Variants in CNTNAP2 observed in about 807,000 individuals in gnomAD.
CNTNAP2 encodes the protein contactin-associated protein-like 2.
CNTNAP2 carries 98 observed loss-of-function variants against 155.2 expected under a neutral mutation model. The ratio of observed to expected loss-of-function variants is 0.63; its 90% CI spans 0.54 to 0.75. The LOEUF (loss-of-function observed/expected upper bound fraction) is 0.75. Ranked by LOEUF, CNTNAP2 falls within the 30% of genes least tolerant of loss-of-function variation. The probability of loss-of-function intolerance (pLI) is 0.00; values close to 1 mark genes in which losing one functional copy is unlikely to be tolerated. For synonymous variants in CNTNAP2, 651 were observed against 631.2 expected (o/e 1.03, Z -0.47); for missense variants, 1,727 against 1,688.1 (o/e 1.02, Z -0.40).
chr7:148,230,956 C>T (rs932300192), intron 20 of CNTNAP2, among the ~76,000 whole-genome samples: 14 of 152,148 alleles, frequency 9.2e-5, no homozygotes, highest in African/African-American at 3.1e-4. Flanking sequence ...GGAGACAGAT[C>T]GTTTTACATC....
rs34993596 is a variant in CNTNAP2 at position 147,436,049 on chromosome 7, C to G, written c.1670+40269C>G. ...TCCCAATTTATCATTTAAACGTAAA[C>G]AACAATGGTGCCAGAGTAGTCATGG... On this transcript the variant is annotated intron_variant, in intron 10 of 23. Transcript: ENST00000361727. Among the ~76,000 whole-genome samples, 718 of 151,856 alleles carry G rather than the reference C, an allele frequency of 4.7e-3. 5 individuals are homozygous for G. Among genetic ancestry groups the G allele is most frequent in the African/African-American group, 0.016 (673 of 41,448 alleles).
intron 12 of CNTNAP2, among the ~76,000 whole-genome samples, chr7:147,637,952 T>C (rs1431967150): frequency 3.3e-5 from 5 of 152,146 alleles, no homozygotes; most frequent in Non-Finnish European, 7.3e-5. Context: ...CAATATTTGG[T>C]TTCATTAAGG....
At chr7:147,728,374 T>C (rs12056208) in intron 13 of CNTNAP2, among the ~76,000 whole-genome samples, 10,793 of 152,148 alleles carry the variant, frequency 0.071, 401 homozygotes, top group African/African-American at 0.093. Flanking sequence ...GTGTGTCATA[T>C]ATTATTTTGG....
intron 1 of CNTNAP2, among the ~76,000 whole-genome samples, chr7:146,600,089 C>A (rs1026930906): frequency 6.6e-6 from 1 of 151,990 alleles, no homozygotes; most frequent in African/African-American, 2.4e-5. Flanking sequence ...ATTAATTTTT[C>A]CCACACAATA....
At chr7:148,065,902 A>G (rs1359779969) in intron 15 of CNTNAP2, among the ~76,000 whole-genome samples, 1 of 151,972 alleles carries the variant, frequency 6.6e-6, no homozygotes, top group Admixed American at 6.6e-5. Flanking sequence ...TGCTTTAAGG[A>G]GGTTCTATTT....
intron 12 of CNTNAP2, among the ~76,000 whole-genome samples, chr7:147,609,935 T>A (rs1281403210): frequency 6.6e-6 from 1 of 152,072 alleles, no homozygotes; most frequent in East Asian, 1.9e-4. Context: ...GGGGATAGTC[T>A]GAGTGCAGGG....
rs114622376 is a variant in CNTNAP2 at position 146,355,929 on chromosome 7, G to A, written c.97+238956G>A. On this transcript the variant is annotated intron_variant, in intron 1 of 23. Transcript: ENST00000361727. ...ATCTTTGCACACTGTAGTGATAAGG[G>A]GTATGCATATTCTTACACATACAGC... Among the ~76,000 whole-genome samples the A allele has an allele frequency of 5.5e-3, 840 of 151,790 alleles. 8 individuals carry two copies. The highest frequency in any genetic ancestry group is 0.019 in the African/African-American group (802 of 41,392).
chr7:148,329,430 G>A (rs1187183270), intron 21 of CNTNAP2, among the ~76,000 whole-genome samples: 4 of 152,168 alleles, frequency 2.6e-5, no homozygotes, highest in Admixed American at 2.6e-4. Flanking sequence ...AGGCATGGTG[G>A]CGGGCTGGGG....
At chr7:147,391,836 T>C (rs537038195) in intron 9 of CNTNAP2, among the ~76,000 whole-genome samples, 1 of 149,684 alleles carries the variant, frequency 6.7e-6, no homozygotes. Context: ...GATCTTTGCT[T>C]AGAAATGTGA....
intron 1 of CNTNAP2, among the ~76,000 whole-genome samples, chr7:146,330,994 G>C (rs1249808923): frequency 1.3e-5 from 2 of 152,130 alleles, no homozygotes; most frequent in African/African-American, 4.8e-5. Flanking sequence ...GCAATGATCA[G>C]AAGGTGTTGT....
intron 21 of CNTNAP2, among the ~76,000 whole-genome samples, chr7:148,267,676 C>A (rs867429603): frequency 2.1e-4 from 30 of 140,098 alleles, no homozygotes; most frequent in Admixed American, 6.4e-4. Flanking sequence ...AAAAAAACAA[C>A]CAAACAAACA....
intron 15 of CNTNAP2, among the ~76,000 whole-genome samples, chr7:147,984,351 C>T (rs1030168927): frequency 6.6e-6 from 1 of 152,138 alleles, no homozygotes; most frequent in African/African-American, 2.4e-5. Context: ...AGCCTTATTT[C>T]GAGATGGAGT....
At chr7:146,270,754 G>A (rs1361049944) in intron 1 of CNTNAP2, among the ~76,000 whole-genome samples, 1 of 152,034 alleles carries the variant, frequency 6.6e-6, no homozygotes, top group East Asian at 1.9e-4. Flanking sequence ...GATTTATAAT[G>A]TTCTGACTAA....
chr7:148,175,443 A>G (rs1794916682), intron 18 of CNTNAP2, among the ~76,000 whole-genome samples: 1 of 152,166 alleles, frequency 6.6e-6, no homozygotes, highest in Non-Finnish European at 1.5e-5. Context: ...ATGGAGAAGC[A>G]TGGTCAGGTG....
intron 21 of CNTNAP2, among the ~76,000 whole-genome samples, chr7:148,301,978 G>A (rs1423471069): frequency 6.6e-6 from 1 of 152,218 alleles, no homozygotes; most frequent in Non-Finnish European, 1.5e-5. Context: ...ACCAAGGCTA[G>A]CTCCTTTACA....
intron 1 of CNTNAP2, among the ~76,000 whole-genome samples, chr7:146,689,485 G>C (rs1437598913): frequency 6.6e-6 from 1 of 152,024 alleles, no homozygotes; most frequent in Non-Finnish European, 1.5e-5. Flanking sequence ...TTTCTCAGTG[G>C]TGTTTGTTCT....
intron 12 of CNTNAP2, among the ~76,000 whole-genome samples, chr7:147,597,880 C>T (rs1383053678): frequency 6.6e-6 from 1 of 152,196 alleles, no homozygotes; most frequent in African/African-American, 2.4e-5. Flanking sequence ...CACCCATATC[C>T]TGCTCCAGTC....
intron 20 of CNTNAP2, among the ~76,000 whole-genome samples, chr7:148,230,801 T>C (rs1480336402): frequency 1.3e-5 from 2 of 152,080 alleles, no homozygotes; most frequent in African/African-American, 2.4e-5. Flanking sequence ...CAATCAAAGG[T>C]GGCATAATAA....
intron 8 of CNTNAP2, among the ~76,000 whole-genome samples, chr7:147,267,889 T>C (rs1345203316): frequency 6.6e-6 from 1 of 152,178 alleles, no homozygotes; most frequent in Non-Finnish European, 1.5e-5. Flanking sequence ...CCTCATGAAG[T>C]AGAGTACAAG....
Sources: allele counts gnomAD v4.1 joint callset (sites outside exome capture counted in the v4.1 genomes callset), GRCh38; gene constraint gnomAD v4.1.1; transcripts MANE v1.5; gene names NCBI Gene and HGNC (gene_info 2026-07-23, HGNC 2026-07-21).